GRID2: variants seen among roughly 807,000 people sequenced by gnomAD.
The protein encoded by GRID2 is glutamate receptor ionotropic, delta-2.
A neutral mutation model predicts 114.8 loss-of-function variants in GRID2; 33 were observed. The observed-to-expected ratio is 0.29, with a 90% CI of 0.22 to 0.38. The LOEUF (loss-of-function observed/expected upper bound fraction) is 0.38. GRID2 is among the 10% of genes least tolerant of loss of function. The probability of loss-of-function intolerance (pLI) is 1.00; values close to 1 mark genes in which losing one functional copy is unlikely to be tolerated. For missense variants in GRID2, 1,184 were observed against 1,257.7 expected, an observed-to-expected ratio of 0.94 and a Z score of 0.89; for synonymous variants, 505 against 449.9, an observed-to-expected ratio of 1.12 and a Z score of -1.55.
rs141016719 is a variant in GRID2 at position 92,867,263 on chromosome 4, G to A, written c.245-217732G>A. Among the ~76,000 whole-genome samples the A allele has an allele frequency of 2.9e-3, 441 of 151,964 alleles. 1 individual carries two copies. Among genetic ancestry groups the A allele is most frequent in the Middle Eastern group, 0.014 (4 of 294 alleles). On this transcript the variant is annotated intron_variant, in intron 2 of 15. Coordinates refer to ENST00000282020, the MANE Select transcript of GRID2 (RefSeq NM_001510.4). ...GTAACAGCTATCCTAAGTGGTAGTT[G>A]AGCAGTTTATTAGCACAAAGTCACT...
chr4:93,112,198 T>C (rs1451842831), intron 4 of GRID2: 1 of 152,162 alleles, frequency 6.6e-6, no homozygotes, highest in Non-Finnish European at 1.5e-5. Context: ...GAAGCATCTA[T>C]GGTCATTTTT....
At chr4:93,050,572 T>A (rs951887830) in intron 2 of GRID2, among the ~76,000 whole-genome samples, 3 of 150,386 alleles carry the variant, frequency 2.0e-5, no homozygotes, top group Admixed American at 6.6e-5. Context: ...TGTGTGCACA[T>A]GCTTACCAAC....
intron 4 of GRID2, among the ~76,000 whole-genome samples, chr4:93,126,409 G>A: frequency 6.6e-6 from 1 of 151,778 alleles, no homozygotes; most frequent in Non-Finnish European, 1.5e-5. Context: ...AGTTTCTTGG[G>A]CTTGGCACTA....
chr4:93,620,901 A>G (rs1742162674), intron 13 of GRID2, among the ~76,000 whole-genome samples: 2 of 152,112 alleles, frequency 1.3e-5, no homozygotes, highest in Non-Finnish European at 2.9e-5. Context: ...ACTTGTCCTG[A>G]TTCCTTCCAA....
At chr4:93,452,207 G>A (rs1722754192) in intron 10 of GRID2, among the ~76,000 whole-genome samples, 1 of 152,142 alleles carries the variant, frequency 6.6e-6, no homozygotes, top group African/African-American at 2.4e-5. Context: ...AGGGAAAGTT[G>A]TGTTTGTGAT....
chr4:92,743,252 G>A (rs1431995660), intron 2 of GRID2, among the ~76,000 whole-genome samples: 1 of 152,146 alleles, frequency 6.6e-6, no homozygotes, highest in Non-Finnish European at 1.5e-5. Flanking sequence ...ACTGCAGCCT[G>A]GGCAACAGAA....
At chr4:93,483,128 A>G (rs1472648407) in intron 11 of GRID2, among the ~76,000 whole-genome samples, 1 of 152,006 alleles carries the variant, frequency 6.6e-6, no homozygotes, top group East Asian at 1.9e-4. Context: ...GCTGGCAATG[A>G]CTTCCACACA....
intron 1 of GRID2, among the ~76,000 whole-genome samples, chr4:92,540,834 A>G (rs1310173543): frequency 6.6e-6 from 1 of 152,216 alleles, no homozygotes; most frequent in East Asian, 1.9e-4. Context: ...CTATAAAGAC[A>G]CATGCACACA....
chr4:92,544,976 C>G (rs555597613), intron 1 of GRID2, among the ~76,000 whole-genome samples: 1 of 151,534 alleles, frequency 6.6e-6, no homozygotes, highest in Non-Finnish European at 1.5e-5. Context: ...TTTATGGCAC[C>G]CGAGAAATAC....
At chr4:93,379,399 T>C (rs1763652755) in intron 8 of GRID2, among the ~76,000 whole-genome samples, 1 of 152,096 alleles carries the variant, frequency 6.6e-6, no homozygotes, top group Non-Finnish European at 1.5e-5. Context: ...TGACTGTATG[T>C]AATCACACCT....
intron 2 of GRID2, among the ~76,000 whole-genome samples, chr4:92,708,505 A>C (rs1181438312): frequency 6.6e-6 from 1 of 152,138 alleles, no homozygotes; most frequent in Non-Finnish European, 1.5e-5. Context: ...TAGCTCCCAC[A>C]CATTATTGTG....
At chr4:92,450,505 A>G (rs1459635278) in intron 1 of GRID2, among the ~76,000 whole-genome samples, 2 of 152,162 alleles carry the variant, frequency 1.3e-5, no homozygotes, top group Admixed American at 1.3e-4. Flanking sequence ...ATTGATTTAC[A>G]GTGCTCATTG....
chr4:93,115,864 AC>A (rs1733196064), intron 4 of GRID2, among the ~76,000 whole-genome samples: 1 of 152,128 alleles, frequency 6.6e-6, no homozygotes, highest in Admixed American at 6.6e-5. Flanking sequence ...GGTCCCTCCT[AC>A]AACACATGGG....
intron 13 of GRID2, among the ~76,000 whole-genome samples, chr4:93,559,103 T>A (rs1734623410): frequency 6.6e-6 from 1 of 152,140 alleles, no homozygotes; most frequent in Non-Finnish European, 1.5e-5. Context: ...GTAAGAACTA[T>A]TTATGACCAA....
chr4:92,423,418 G>A (rs534578785), intron 1 of GRID2, among the ~76,000 whole-genome samples: 2 of 152,200 alleles, frequency 1.3e-5, no homozygotes, highest in East Asian at 3.9e-4. Context: ...AAGGAATTGA[G>A]GTGAAGCGAG....
intron 4 of GRID2, among the ~76,000 whole-genome samples, chr4:93,162,435 A>ACAATT (rs1737775215): frequency 6.6e-6 from 1 of 151,942 alleles, no homozygotes; most frequent in Non-Finnish European, 1.5e-5. Context: ...TGAGATTTAA[A>ACAATT]TAAGGATAGG....
At chr4:92,710,010 T>C (rs1458348702) in intron 2 of GRID2, among the ~76,000 whole-genome samples, 1 of 152,166 alleles carries the variant, frequency 6.6e-6, no homozygotes, top group African/African-American at 2.4e-5. Flanking sequence ...AATTTGAAAG[T>C]AAATTAATTT....
At chr4:93,273,933 A>G (rs1436985094) in intron 8 of GRID2, among the ~76,000 whole-genome samples, 1 of 152,210 alleles carries the variant, frequency 6.6e-6, no homozygotes, top group Non-Finnish European at 1.5e-5. Flanking sequence ...GCCTGGTGAG[A>G]CACATTTGGG....
intron 5 of GRID2, among the ~76,000 whole-genome samples, chr4:93,211,674 T>G (rs948964598): frequency 6.6e-6 from 1 of 152,160 alleles, no homozygotes; most frequent in Non-Finnish European, 1.5e-5. Flanking sequence ...TACTTTCTTG[T>G]CTTCCAGCAG....
Sources: gnomAD v4.1 joint callset for allele counts (sites outside exome capture counted in the v4.1 genomes callset) on GRCh38, gnomAD v4.1.1 for gene constraint, MANE v1.5 for transcripts, NCBI Gene and HGNC (gene_info 2026-07-23, HGNC 2026-07-21) for gene names.